The following GLRA3 variants were observed in gnomAD, a reference collection of about 807,000 sequenced individuals.
GLRA3 encodes the protein glycine receptor subunit alpha-3.
In GLRA3, 44 loss-of-function variants were observed where a neutral mutation model predicts 60.4. The ratio of observed to expected loss-of-function variants is 0.73; its 90% CI spans 0.57 to 0.94. The LOEUF is 0.94. Among genes scored for constraint, GLRA3 ranks in the 40% least tolerant of loss-of-function variants. The probability of loss-of-function intolerance (pLI) is 0.00; values close to 1 mark genes in which losing one functional copy is unlikely to be tolerated. For missense variants in GLRA3, 508 were observed against 564.6 expected (o/e 0.90, Z 1.02); for synonymous variants, 223 against 192.9 (o/e 1.16, Z -1.29).
chr4:174,714,940 C>A (rs1735852392), intron 5 of GLRA3, among the ~76,000 whole-genome samples: 1 of 152,110 alleles, frequency 6.6e-6, no homozygotes, highest in Non-Finnish European at 1.5e-5. Context: ...GACATTTTTT[C>A]TTCTGAGCTA....
intron 4 of GLRA3, among the ~76,000 whole-genome samples, chr4:174,721,331 A>G (rs191513707): frequency 1.3e-5 from 2 of 152,198 alleles, no homozygotes; most frequent in East Asian, 3.9e-4. Flanking sequence ...CATGAATTAT[A>G]TAAAGATTTG....
intron 2 of GLRA3, among the ~76,000 whole-genome samples, chr4:174,772,683 A>G (rs1738439190): frequency 6.6e-6 from 1 of 152,218 alleles, no homozygotes; most frequent in Non-Finnish European, 1.5e-5. Flanking sequence ...CCTCAATGTA[A>G]TAACAAGGTA....
intron 3 of GLRA3, among the ~76,000 whole-genome samples, chr4:174,744,210 G>A (rs1737139553): frequency 6.6e-6 from 1 of 152,252 alleles, no homozygotes; most frequent in African/African-American, 2.4e-5. Context: ...GGACCCAGAG[G>A]GTTGTAGTGC....
At chr4:174,721,250 A>G (rs1019545514) in intron 4 of GLRA3, among the ~76,000 whole-genome samples, 1 of 152,098 alleles carries the variant, frequency 6.6e-6, no homozygotes, top group African/African-American at 2.4e-5. Flanking sequence ...GATGGTCTCC[A>G]TCTCCTGACC....
chr4:174,778,460 C>G (rs921471479), intron 2 of GLRA3, among the ~76,000 whole-genome samples: 2 of 151,614 alleles, frequency 1.3e-5, no homozygotes, highest in African/African-American at 4.8e-5. Context: ...AAAAAAAACA[C>G]AGGGGGGATG....
chr4:174,824,079 C>A (rs1740860560), intron 1 of GLRA3, among the ~76,000 whole-genome samples: 1 of 152,150 alleles, frequency 6.6e-6, no homozygotes, highest in Non-Finnish European at 1.5e-5. Flanking sequence ...TAAATCTATG[C>A]AAATACCTGA....
chr4:174,708,425 T>C (rs1735590767), intron 5 of GLRA3, among the ~76,000 whole-genome samples: 1 of 151,766 alleles, frequency 6.6e-6, no homozygotes, highest in Non-Finnish European at 1.5e-5. Context: ...ACAATACTAC[T>C]AAAGTATATA....
rs754765943 is a variant in GLRA3 at position 174,788,893 on chromosome 4, A to T, written c.122T>A (p.Met41Lys). The T allele has an allele frequency of 6.2e-7, 1 of 1,609,050 alleles. No homozygotes were observed. The highest frequency in any genetic ancestry group is 8.5e-7 in the Non-Finnish European group (1 of 1,176,246). Reference sequence around the variant, plus strand: ...TTTATCCAGAAAATCAGAAGGTGACATTGGAGCACTTCGAGATCTTGCACT... The same window carrying T: ...TTTATCCAGAAAATCAGAAGGTGACTTTGGAGCACTTCGAGATCTTGCACT... Reference protein sequence around the residue: ...TDSARSRSAPMSPSDFLDKLM... With the variant: ...TDSARSRSAPKSPSDFLDKLM... Residue 41 changes from methionine to lysine, a missense_variant, in exon 2 of 10, where the codon ATG becomes AAG. By Grantham distance (95) the Met-to-Lys change is moderately conservative (BLOSUM62 -1). Coordinates refer to ENST00000274093, the MANE Select transcript of GLRA3 (RefSeq NM_006529.4).
intron 3 of GLRA3, among the ~76,000 whole-genome samples, chr4:174,732,665 G>A (rs1329873240): frequency 6.6e-6 from 1 of 152,010 alleles, no homozygotes; most frequent in African/African-American, 2.4e-5. Context: ...TGATGAGGAT[G>A]AATCTTACAA....
chr4:174,756,806 G>A (rs189601805), intron 3 of GLRA3, among the ~76,000 whole-genome samples: 5 of 152,020 alleles, frequency 3.3e-5, no homozygotes, highest in African/African-American at 1.2e-4. Flanking sequence ...CACCTCCCCT[G>A]GCTAATATTT....
At chr4:174,667,993 G>A (rs574038293) in intron 7 of GLRA3, among the ~76,000 whole-genome samples, 2 of 152,186 alleles carry the variant, frequency 1.3e-5, no homozygotes, top group South Asian at 2.1e-4. Context: ...GGTTTCTAAT[G>A]GTTTGGCACC....
At chr4:174,684,401 A>G (rs1261162961) in intron 5 of GLRA3, among the ~76,000 whole-genome samples, 1 of 152,212 alleles carries the variant, frequency 6.6e-6, no homozygotes, top group Admixed American at 6.5e-5. Flanking sequence ...ACCTTTGCAC[A>G]TAATATCAGG....
rs1457902402 is a variant in GLRA3 at position 174,640,842 on chromosome 4, A to G, written c.*2944T>C. The G allele has an allele frequency of 1.2e-4, 18 of 152,186 alleles. No individual in the cohort carries two copies. Among genetic ancestry groups the G allele is most frequent in the Non-Finnish European group, 1.3e-4 (9 of 67,958 alleles). The allele number at this position is 152,186 out of a possible 1,614,324, so 9.4% of individuals were successfully genotyped here. A position where few individuals can be genotyped will look rare whatever the true frequency, so the allele number is the denominator to read the frequency against. On this transcript the variant is annotated 3_prime_UTR_variant, in exon 10 of 10. Transcript: ENST00000274093. ...GATGAGCAGTCCGGATGATTCCCTA[A>G]TATAGCCACTGAGAGTTGGATGGGG...
chr4:174,721,595 G>A (rs1736130968), intron 4 of GLRA3, among the ~76,000 whole-genome samples: 1 of 151,888 alleles, frequency 6.6e-6, no homozygotes, highest in South Asian at 2.1e-4. Context: ...GGCTCATTGA[G>A]TAATGGTCTT....
Position 174,643,503 on chromosome 4 carries a change from C to T in GLRA3, c.*283G>A. On this transcript the variant is annotated 3_prime_UTR_variant, in exon 10 of 10. Transcript: ENST00000274093. ...TATGAGATATTATATAACATATAAA[C>T]ACATTGGCAGTAAAGCTTCCACTTA... The T allele has an allele frequency of 9.8e-7, 1 of 1,022,838 alleles. No individual in the cohort carries two copies. The highest frequency in any genetic ancestry group is 6.0e-5 in the Admixed American group (1 of 16,604). 63.4% of individuals were successfully genotyped at this position (1,022,838 alleles called of 1,614,324 possible). A position where few individuals can be genotyped will look rare whatever the true frequency, so the allele number is the denominator to read the frequency against.
chr4:174,688,954 T>C (rs1734672909), intron 5 of GLRA3, among the ~76,000 whole-genome samples: 1 of 152,028 alleles, frequency 6.6e-6, no homozygotes, highest in African/African-American at 2.4e-5. Context: ...TAAATAGAAA[T>C]GAGAGTATCT....
chr4:174,651,958 C>T (rs187669709), intron 9 of GLRA3, among the ~76,000 whole-genome samples: 3 of 152,124 alleles, frequency 2.0e-5, no homozygotes, highest in African/African-American at 4.8e-5. Flanking sequence ...GTCCTGTCTG[C>T]TCTCGCAGTA....
intron 2 of GLRA3, among the ~76,000 whole-genome samples, chr4:174,780,711 CAAAG>C (rs1439101243): frequency 2.0e-5 from 3 of 151,228 alleles, no homozygotes; most frequent in Middle Eastern, 3.4e-3. Flanking sequence ...TCAAAAGAGA[CAAAG>C]AAGGCCATTA....
Position 174,748,372 on chromosome 4 carries a change from G to C in GLRA3, c.267+18591C>G, listed in dbSNP as rs143029800. On this transcript the variant is annotated intron_variant, in intron 3 of 9. Transcript: ENST00000274093. Reference sequence around the variant, plus strand: ...AGCGATTGGTGAAAAACCAGGAATTGAGGAATAGCATCAGGTACAACCATT... The same window carrying C: ...AGCGATTGGTGAAAAACCAGGAATTCAGGAATAGCATCAGGTACAACCATT... Among the ~76,000 whole-genome samples, 1,082 of 152,266 alleles carry C rather than the reference G, an allele frequency of 7.1e-3. 11 individuals are homozygous for C. Among genetic ancestry groups the C allele is most frequent in the African/African-American group, 0.024 (988 of 41,556 alleles).
Sources: gnomAD v4.1 joint callset for allele counts (sites outside exome capture counted in the v4.1 genomes callset) on GRCh38, gnomAD v4.1.1 for gene constraint, MANE v1.5 for transcripts, NCBI Gene and HGNC (gene_info 2026-07-23, HGNC 2026-07-21) for gene names.